Variants in SNTG1 observed in about 807,000 individuals in gnomAD.
The protein encoded by SNTG1 is syntrophin gamma 1, also known as gamma-1-syntrophin.
Under a neutral mutation model 74.7 loss-of-function variants are expected in SNTG1, and 39 were observed. That is an observed-to-expected ratio of 0.52 (90% CI 0.40 to 0.68). SNTG1 has a LOEUF of 0.68. Ranked by LOEUF, SNTG1 falls within the 30% of genes least tolerant of loss-of-function variation. The pLI is 0.00. For synonymous variants in SNTG1, 254 were observed against 217.1 expected, an observed-to-expected ratio of 1.17 and a Z score of -1.49; for missense variants, 685 against 609.5, an observed-to-expected ratio of 1.12 and a Z score of -1.30.
At chr8:49,952,980 T>G (rs773686606) in intron 1 of SNTG1, among the ~76,000 whole-genome samples, 1 of 152,164 alleles carries the variant, frequency 6.6e-6, no homozygotes, top group Non-Finnish European at 1.5e-5. Context: ...GTAGATAAAT[T>G]TGTTGCCTTC....
intron 1 of SNTG1, among the ~76,000 whole-genome samples, chr8:50,006,619 G>T (rs1815264544): frequency 6.6e-6 from 1 of 152,066 alleles, no homozygotes; most frequent in African/African-American, 2.4e-5. Flanking sequence ...TGATTGTCTG[G>T]CTCTATTAGC....
At chr8:50,698,875 C>T (rs1182512705) in intron 15 of SNTG1, among the ~76,000 whole-genome samples, 3 of 152,092 alleles carry the variant, frequency 2.0e-5, no homozygotes, top group Non-Finnish European at 4.4e-5. Context: ...CAGAAAGATA[C>T]TCACTCACCC....
intron 4 of SNTG1, among the ~76,000 whole-genome samples, chr8:50,413,834 A>G (rs1486510310): frequency 6.6e-6 from 1 of 152,174 alleles, no homozygotes; most frequent in East Asian, 1.9e-4. Flanking sequence ...CTCTTTGGTT[A>G]CATTGAGTCT....
At chr8:50,643,303 G>T (rs2095085811) in intron 13 of SNTG1, among the ~76,000 whole-genome samples, 1 of 152,168 alleles carries the variant, frequency 6.6e-6, no homozygotes, top group African/African-American at 2.4e-5. Context: ...CCCTGGCATA[G>T]TCCCAAACTG....
At chr8:50,054,002 ATGCATCATATTCC>A (rs1171192771) in intron 1 of SNTG1, among the ~76,000 whole-genome samples, 2 of 152,126 alleles carry the variant, frequency 1.3e-5, no homozygotes, top group African/African-American at 4.8e-5. Flanking sequence ...AGAAAAATTT[ATGCATCATATTCC>A]TGCCTGTAAG....
intron 2 of SNTG1, among the ~76,000 whole-genome samples, chr8:50,361,396 T>C (rs936556759): frequency 6.6e-6 from 1 of 152,148 alleles, no homozygotes; most frequent in African/African-American, 2.4e-5. Context: ...CCATGATGGT[T>C]TGCTTCTTTT....
intron 15 of SNTG1, among the ~76,000 whole-genome samples, chr8:50,661,418 T>C (rs541075563): frequency 6.6e-6 from 1 of 152,324 alleles, no homozygotes; most frequent in South Asian, 2.1e-4. Context: ...TCTTAACTTA[T>C]GCGGCCATCA....
rs1160077927 is a variant in SNTG1 at position 50,474,391 on chromosome 8, AC to A, written c.363+23663del. On this transcript the variant is annotated intron_variant, in intron 8 of 18. Transcript: ENST00000642720. ...AACAAATTTACAAGAAAAAAAAAAA[AC>A]AACCCCATCAAAAAGTGGGCGAAGG... Among the ~76,000 whole-genome samples, 6 of 151,886 alleles carry A rather than the reference AC, an allele frequency of 4.0e-5. No homozygotes were observed. In the East Asian group the frequency reaches 5.8e-4, roughly 15 times the overall value.
intron 17 of SNTG1, among the ~76,000 whole-genome samples, chr8:50,710,376 G>A (rs2131556581): frequency 6.6e-6 from 1 of 151,338 alleles, no homozygotes; most frequent in East Asian, 1.9e-4. Flanking sequence ...AGGCTCCTGA[G>A]TATTAAATTA....
intron 13 of SNTG1, among the ~76,000 whole-genome samples, chr8:50,610,728 G>A (rs969927186): frequency 6.6e-5 from 10 of 152,196 alleles, no homozygotes; most frequent in Non-Finnish European, 1.0e-4. Flanking sequence ...TTCATCGACC[G>A]CTGAGAGTAG....
rs114273444 is a variant in SNTG1, at chr8:49,935,678, G to C, written c.-103+23447G>C. On this transcript the variant is annotated intron_variant, in intron 1 of 18. Coordinates refer to ENST00000642720, the MANE Select transcript of SNTG1 (RefSeq NM_018967.5). ...ACCCAACTGATGTATGCTCAGCCAG[G>C]ACATCTCTCCTGTGCTCTTGGCACA... Among the ~76,000 whole-genome samples, 1,422 of 152,246 alleles carry C rather than the reference G, an allele frequency of 9.3e-3. 19 individuals carry two copies. The highest frequency in any genetic ancestry group is 0.032 in the African/African-American group (1,345 of 41,522).
At chr8:50,175,838 C>T (rs965724831) in intron 2 of SNTG1, among the ~76,000 whole-genome samples, 4 of 152,062 alleles carry the variant, frequency 2.6e-5, no homozygotes, top group Non-Finnish European at 5.9e-5. Context: ...CATTTCAAGC[C>T]GTCCTCTTTC....
At chr8:50,491,891 C>CT (rs1389751497) in intron 8 of SNTG1, among the ~76,000 whole-genome samples, 1 of 151,368 alleles carries the variant, frequency 6.6e-6, no homozygotes, top group Non-Finnish European at 1.5e-5. Flanking sequence ...CCCCCGCCCC[C>CT]CTACCACCCG....
intron 1 of SNTG1, among the ~76,000 whole-genome samples, chr8:49,922,241 T>C (rs1375865089): frequency 6.6e-6 from 1 of 152,132 alleles, no homozygotes; most frequent in African/African-American, 2.4e-5. Context: ...CTCAAATTTC[T>C]CTCTCAATCA....
chr8:50,602,066 C>T (rs1467499079), intron 13 of SNTG1, among the ~76,000 whole-genome samples: 1 of 151,668 alleles, frequency 6.6e-6, no homozygotes, highest in Non-Finnish European at 1.5e-5. Flanking sequence ...TTTTTTAATC[C>T]ATTCTGCCAC....
At chr8:50,786,747 C>T (rs1038816835) in intron 18 of SNTG1, among the ~76,000 whole-genome samples, 27 of 152,056 alleles carry the variant, frequency 1.8e-4, no homozygotes, top group African/African-American at 6.5e-4. Context: ...TGGAAAGGAA[C>T]AGGTTTTTCA....
intron 1 of SNTG1, among the ~76,000 whole-genome samples, chr8:49,962,181 A>G (rs1241830837): frequency 2.6e-5 from 4 of 152,094 alleles, no homozygotes; most frequent in African/African-American, 7.2e-5. Flanking sequence ...CTGTCTGACC[A>G]TAAGATGAGC....
At chr8:50,481,762 G>T (rs2093742637) in intron 8 of SNTG1, among the ~76,000 whole-genome samples, 1 of 152,114 alleles carries the variant, frequency 6.6e-6, no homozygotes, top group East Asian at 1.9e-4. Context: ...TTTGATGATT[G>T]GTGTGAAAAA....
intron 8 of SNTG1, among the ~76,000 whole-genome samples, chr8:50,463,629 T>TAAA (rs1173981666): frequency 2.0e-4 from 31 of 152,218 alleles, no homozygotes; most frequent in African/African-American, 7.0e-4. Flanking sequence ...TAAACAGATG[T>TAAA]CCTGTCATCT....
Sources: allele counts gnomAD v4.1 joint callset (sites outside exome capture counted in the v4.1 genomes callset), GRCh38; gene constraint gnomAD v4.1.1; transcripts MANE v1.5; gene names NCBI Gene and HGNC (gene_info 2026-07-23, HGNC 2026-07-21).